Variants in PACRG observed in about 807,000 individuals in gnomAD.
PACRG encodes parkin coregulated.
PACRG carries 29 observed loss-of-function variants against 29.7 expected under a neutral mutation model. The observed-to-expected ratio is 0.98, with a 90% CI of 0.73 to 1.33. The LOEUF (loss-of-function observed/expected upper bound fraction) is 1.33, where lower values mean the gene tolerates loss of function less well. Ranked by LOEUF, PACRG falls within the 40% of genes most tolerant of loss-of-function variation. The pLI is 0.00. For missense variants in PACRG, 279 were observed against 316.2 expected, an observed-to-expected ratio of 0.88 and a Z score of 0.89; for synonymous variants, 116 against 118.7, an observed-to-expected ratio of 0.98 and a Z score of 0.15.
chr6:163,217,094 G>T lies in PACRG; in HGVS notation c.614-97733G>T, dbSNP rs1045649172. Among the ~76,000 whole-genome samples, 9 of 152,208 alleles carry T rather than the reference G, an allele frequency of 5.9e-5. No homozygotes were observed. In the South Asian group the frequency reaches 1.0e-3, roughly 18 times the overall value. On this transcript the variant is annotated intron_variant, in intron 4 of 4. Coordinates refer to ENST00000366888, the MANE Select transcript of PACRG (RefSeq NM_001080379.2). ...TCCGTTGAGTCCTAATAGGACTGGGGTCTGGGCACAAGTGTGAAAGACTCT... is the reference window on the plus strand; with the variant it reads ...TCCGTTGAGTCCTAATAGGACTGGGTTCTGGGCACAAGTGTGAAAGACTCT...
chr6:163,177,788 G>A (rs754274013), intron 4 of PACRG, among the ~76,000 whole-genome samples: 38 of 128,760 alleles, frequency 3.0e-4, no homozygotes, highest in African/African-American at 4.4e-4. Flanking sequence ...TCTGAGAAAC[G>A]TGCCCTAGGC....
chr6:162,886,894 C>G (rs1336709662), intron 2 of PACRG, among the ~76,000 whole-genome samples: 2 of 152,046 alleles, frequency 1.3e-5, no homozygotes, highest in Non-Finnish European at 2.9e-5. Flanking sequence ...AATTATGCAA[C>G]TCCAGTTATT....
chr6:163,309,134 G>A (rs546400966), intron 4 of PACRG, among the ~76,000 whole-genome samples: 1 of 152,328 alleles, frequency 6.6e-6, no homozygotes, highest in African/African-American at 2.4e-5. Flanking sequence ...TCCGACAAAT[G>A]CTGGGTACGG....
intron 2 of PACRG, among the ~76,000 whole-genome samples, chr6:162,924,630 G>A (rs1196892177): frequency 6.6e-6 from 1 of 151,624 alleles, no homozygotes; most frequent in African/African-American, 2.4e-5. Context: ...TTTTTTTTCT[G>A]TTGTCCATTG....
At chr6:162,973,661 T>TA (rs530138589) in intron 2 of PACRG, among the ~76,000 whole-genome samples, 11 of 152,246 alleles carry the variant, frequency 7.2e-5, no homozygotes, top group Non-Finnish European at 1.6e-4. Context: ...TTATTCAGCA[T>TA]ATTTATGTTG....
intron 2 of PACRG, among the ~76,000 whole-genome samples, chr6:162,839,129 A>G (rs1240624140): frequency 7.6e-6 from 1 of 131,736 alleles, no homozygotes; most frequent in East Asian, 2.3e-4. Context: ...GGCTGGGTCA[A>G]ATGGTATTTC....
rs559695487 is a variant in PACRG, at chr6:162,871,968, C to T, written c.291+57687C>T. ...CAAAACAAAAAAAAACAAAAGACTA[C>T]TTTCTCAATAGAATATTTTAAATTC... On this transcript the variant is annotated intron_variant, in intron 2 of 4. Coordinates refer to ENST00000366888, the MANE Select transcript of PACRG (RefSeq NM_001080379.2). Among the ~76,000 whole-genome samples the T allele has an allele frequency of 5.9e-5, 9 of 152,184 alleles. No homozygotes were observed. The East Asian group carries it at 1.3e-3, about 23-fold the overall frequency.
chr6:162,863,698 T>C (rs1792059252), intron 2 of PACRG, among the ~76,000 whole-genome samples: 1 of 152,172 alleles, frequency 6.6e-6, no homozygotes, highest in Non-Finnish European at 1.5e-5. Context: ...TCCTTAAAAC[T>C]TCAATGTCGT....
At chr6:162,881,958 G>GGTT (rs1793895210) in intron 2 of PACRG, among the ~76,000 whole-genome samples, 3 of 104,066 alleles carry the variant, frequency 2.9e-5, no homozygotes, top group African/African-American at 4.0e-5. Flanking sequence ...GACCAGAGAT[G>GGTT]GGTGGGGGGG....
At chr6:163,019,968 G>A (rs1360115431) in intron 2 of PACRG, among the ~76,000 whole-genome samples, 1 of 152,174 alleles carries the variant, frequency 6.6e-6, no homozygotes, top group Non-Finnish European at 1.5e-5. Flanking sequence ...TTCAACTAAA[G>A]CAAAGTGAAG....
At chr6:163,115,759 C>T (rs1815957606) in intron 4 of PACRG, among the ~76,000 whole-genome samples, 1 of 152,184 alleles carries the variant, frequency 6.6e-6, no homozygotes, top group African/African-American at 2.4e-5. Flanking sequence ...CCACCTTCCA[C>T]GCTACTCTTG....
chr6:162,911,208 C>A (rs928919018), intron 2 of PACRG, among the ~76,000 whole-genome samples: 8 of 152,192 alleles, frequency 5.3e-5, no homozygotes, highest in Non-Finnish European at 1.2e-4. Flanking sequence ...TTGCATGAAG[C>A]ACAGCTGCAT....
At chr6:163,057,092 T>A (rs899929901) in intron 2 of PACRG, among the ~76,000 whole-genome samples, 3 of 152,138 alleles carry the variant, frequency 2.0e-5, no homozygotes, top group Non-Finnish European at 4.4e-5. Flanking sequence ...CAAAAGAGAA[T>A]TTGTATCCCA....
intron 4 of PACRG, among the ~76,000 whole-genome samples, chr6:163,231,962 C>CA (rs1453675148): frequency 3.3e-5 from 5 of 152,220 alleles, no homozygotes; most frequent in Admixed American, 6.5e-5. Context: ...TGTAATGCTG[C>CA]ATTGGCAGAT....
At chr6:162,923,572 A>G (rs892081556) in intron 2 of PACRG, among the ~76,000 whole-genome samples, 9 of 152,132 alleles carry the variant, frequency 5.9e-5, no homozygotes, top group African/African-American at 2.2e-4. Flanking sequence ...TCTTCTGCAT[A>G]TGGATATCCA....
At chr6:163,143,778 A>G (rs1205657) in intron 4 of PACRG, among the ~76,000 whole-genome samples, 54,923 of 149,586 alleles carry the variant, frequency 0.37, 10,167 homozygotes, top group East Asian at 0.57. Context: ...TCCACGTCCA[A>G]TGCCAGGGCT....
chr6:162,890,194 G>C (rs1794653321), intron 2 of PACRG, among the ~76,000 whole-genome samples: 1 of 152,098 alleles, frequency 6.6e-6, no homozygotes, highest in Non-Finnish European at 1.5e-5. Context: ...CCTTCCCATG[G>C]GTTCTTTCTA....
intron 4 of PACRG, among the ~76,000 whole-genome samples, chr6:163,303,251 G>A (rs904055106): frequency 1.3e-5 from 2 of 152,116 alleles, no homozygotes; most frequent in African/African-American, 4.8e-5. Flanking sequence ...TGGAGCCCAG[G>A]ATGCCGGGAT....
chr6:162,958,990 T>C (rs1800380771), intron 2 of PACRG, among the ~76,000 whole-genome samples: 1 of 147,486 alleles, frequency 6.8e-6, no homozygotes, highest in African/African-American at 2.5e-5. Context: ...TGATCATGGC[T>C]CCCTGAATCC....
Sources: allele counts gnomAD v4.1 joint callset (sites outside exome capture counted in the v4.1 genomes callset), GRCh38; gene constraint gnomAD v4.1.1; transcripts MANE v1.5; gene names NCBI Gene and HGNC (gene_info 2026-07-23, HGNC 2026-07-21).